AKAP9: variants seen among roughly 807,000 people sequenced by gnomAD.
AKAP9 encodes A-kinase anchoring protein 9.
In AKAP9, 311 loss-of-function variants were observed where a neutral mutation model predicts 488.5. The observed-to-expected ratio is 0.64, with a 90% CI of 0.58 to 0.70. The LOEUF (loss-of-function observed/expected upper bound fraction) is 0.70. Ranked by LOEUF, AKAP9 falls within the 30% of genes least tolerant of loss-of-function variation. The probability of loss-of-function intolerance (pLI) is 0.00; values close to 1 mark genes in which losing one functional copy is unlikely to be tolerated. For missense variants in AKAP9, 4,215 were observed against 4,374.5 expected (o/e 0.96, Z 1.03); for synonymous variants, 1,462 against 1,483.5 (o/e 0.99, Z 0.33).
At chr7:92,015,169 G>C (rs1801333092) in intron 10 of AKAP9, among the ~76,000 whole-genome samples, 1 of 152,092 alleles carries the variant, frequency 6.6e-6, no homozygotes, top group South Asian at 2.1e-4. Flanking sequence ...AGAAGTTGGT[G>C]GTGGTAATTT....
rs552390912 is a variant in AKAP9, at chr7:91,998,075, T to G, written c.930+2275T>G. The stretch of plus-strand genomic sequence containing the variant: ...ATGGTTTTGGGATGACATCAGGCAT[T>G]AGTTAGATTCACATAAGGAGCTTGC... On this transcript the variant is annotated intron_variant, in intron 7 of 49. Transcript: ENST00000356239. 1.7e-3 allele frequency among the ~76,000 whole-genome samples: 265 copies of G among 152,210 alleles called. 2 individuals carry two copies. The Middle Eastern group carries it at 0.02, about 12-fold the overall frequency.
At chr7:92,014,375 CTT>C in intron 10 of AKAP9, 47 bp downstream of exon 10, 2 of 1,354,034 alleles carry the variant, frequency 1.5e-6, no homozygotes, top group Non-Finnish European at 2.1e-6. Flanking sequence ...GTGGCTGACA[CTT>C]ATAATCCCAG....
intron 3 of AKAP9, among the ~76,000 whole-genome samples, chr7:91,986,386 C>T (rs1037514929): frequency 1.3e-5 from 2 of 152,154 alleles, no homozygotes; most frequent in South Asian, 2.1e-4. Flanking sequence ...CTTCGGCTCA[C>T]CCTCCATGGG....
chr7:92,098,207 G>C lies in AKAP9; in HGVS notation c.10706G>C (p.Gly3569Ala), dbSNP rs754569380. The C allele has an allele frequency of 1.4e-5, 23 of 1,592,900 alleles. No homozygotes were observed. Among genetic ancestry groups the C allele is most frequent in the Non-Finnish European group, 1.9e-5 (22 of 1,161,208 alleles). ...LQLQKLTGQQ[G>A]EEPSLVSPST... is the part of the protein sequence containing the mutation. ...CTACAGAAATTAACTGGCCAGCAAG[G>C]TGAAGAGGTAATACTTTTTAAAAGT... Residue 3569 changes from glycine (G) to alanine (A), a missense_variant, in exon 43 of 50, where the codon GGT becomes GCT. Gly to Ala is a moderately conservative substitution (Grantham distance 60, BLOSUM62 0). Around this residue, in one of 5 missense-constraint regions of AKAP9, gnomAD observed 1,476 missense variants for 1,477.4 expected, o/e 1.00. Transcript: ENST00000356239.
chr7:92,052,820 G>C lies in AKAP9; in HGVS notation c.5463G>C (p.Leu1821=). Residue 1821 remains leucine, a synonymous_variant, in exon 22 of 50, where the codon CTG becomes CTC. Coordinates refer to ENST00000356239, the MANE Select transcript of AKAP9 (RefSeq NM_005751.5). The stretch of plus-strand genomic sequence containing the variant: ...AAGTAACTGAGGAAGGAACAGAGCT[G>C]TCACAACGACTTGTGAGGAGTGGTT... ...WSKVTEEGTE[L]SQRLVRSGFA... The C allele has an allele frequency of 6.2e-7, 1 of 1,613,772 alleles. No individual in the cohort carries two copies. The highest frequency in any genetic ancestry group is 8.5e-7 in the Non-Finnish European group (1 of 1,179,808).
Position 92,022,895 on chromosome 7 carries a change from G to GC in AKAP9, c.4036dup (p.Leu1346ProfsTer13), listed in dbSNP as rs1387007261. 1 of 1,612,546 alleles carries GC rather than the reference G, an allele frequency of 6.2e-7. No individual in the cohort carries two copies. The highest frequency in any genetic ancestry group is 8.5e-7 in the Non-Finnish European group (1 of 1,178,734). On this transcript the variant is annotated frameshift_variant, in exon 14 of 50. Coordinates refer to ENST00000356239, the MANE Select transcript of AKAP9 (RefSeq NM_005751.5). LOFTEE classifies it high-confidence loss of function. ...GAAGAACAAGTTCAAGAATTAGAAA[G>GC]CCTCATATCCTCTTTGCAGCAACAG... is the stretch of plus-strand genomic sequence containing the variant.
Position 92,061,188 on chromosome 7 carries a change from G to A in AKAP9, c.5602-72G>A, listed in dbSNP as rs1020570036. 33 of 1,554,678 alleles carry A rather than the reference G, an allele frequency of 2.1e-5. No individual in the cohort carries two copies. The South Asian group carries it at 3.6e-4, about 17-fold the overall frequency. Reference sequence around the variant, plus strand: ...TATTTTAAAATCCTCCTTTTTTCCAGCTTTAATAGGGAATGAAACTAGTAT... The same window carrying A: ...TATTTTAAAATCCTCCTTTTTTCCAACTTTAATAGGGAATGAAACTAGTAT... On this transcript the variant is annotated intron_variant, in intron 22 of 49. Coordinates refer to ENST00000356239, the MANE Select transcript of AKAP9 (RefSeq NM_005751.5).
At chr7:92,102,967 T>C in intron 46 of AKAP9, 141 bp downstream of exon 46, 1 of 776,874 alleles carries the variant, frequency 1.3e-6, no homozygotes, top group Non-Finnish European at 2.1e-6. Flanking sequence ...GCATGTCTGC[T>C]TTTTTTTTCT....
intron 16 of AKAP9, 86 bp downstream of exon 16, chr7:92,031,690 G>A (rs1417093077): frequency 1.9e-6 from 2 of 1,070,658 alleles, no homozygotes; most frequent in Non-Finnish European, 2.9e-6. Context: ...TCGATGGTAT[G>A]TACTTTATAA....
chr7:92,056,978 AT>A (rs1414287474), intron 22 of AKAP9, among the ~76,000 whole-genome samples: 18 of 151,992 alleles, frequency 1.2e-4, no homozygotes, highest in Non-Finnish European at 2.4e-4. Context: ...ATCTTCTAAA[AT>A]TCTGAGTGGC....
chr7:92,007,466 G>A (rs1243043441), intron 8 of AKAP9, among the ~76,000 whole-genome samples: 14 of 151,470 alleles, frequency 9.2e-5, no homozygotes, highest in Non-Finnish European at 2.1e-4. Flanking sequence ...TGGCCAGGCT[G>A]GTCTTGAACT....
intron 46 of AKAP9, among the ~76,000 whole-genome samples, chr7:92,104,376 A>AGAGACTGGGTTTCACTGTGTT (rs1818177891): frequency 6.6e-6 from 1 of 151,932 alleles, no homozygotes; most frequent in Non-Finnish European, 1.5e-5. Context: ...TATTTTTAGT[A>AGAGACTGGGTTTCACTGTGTT]GAGACTGGGT....
At chr7:92,034,484 A>C (rs57817572) in intron 16 of AKAP9, among the ~76,000 whole-genome samples, 4,132 of 93,516 alleles carry the variant, frequency 0.044, 201 homozygotes, top group African/African-American at 0.16. Context: ...ATATATCTAT[A>C]TATATATATA....
Position 92,079,114 on chromosome 7 carries a change from T to G in AKAP9, c.6981T>G (p.Leu2327=). The change falls in exon 31 of 50, where the codon CTT becomes CTG. Residue 2327 remains leucine, a synonymous_variant. Transcript: ENST00000356239. The part of the protein sequence containing the change: ...IEEKNELIRD[L]ETQIECLMSD... ...AAAAAAATGAACTGATAAGGGATCTTGAAACCCAAATAGAATGTTTGATGA... is the reference window on the plus strand; with the variant it reads ...AAAAAAATGAACTGATAAGGGATCTGGAAACCCAAATAGAATGTTTGATGA... 1 of 1,612,476 alleles carries G rather than the reference T, an allele frequency of 6.2e-7. No individual in the cohort carries two copies. Among genetic ancestry groups the G allele is most frequent in the Admixed American group, 1.7e-5 (1 of 59,898 alleles).
At chr7:92,024,329 T>A (rs1802767785) in intron 14 of AKAP9, among the ~76,000 whole-genome samples, 1 of 151,410 alleles carries the variant, frequency 6.6e-6, no homozygotes, top group Admixed American at 6.6e-5. Context: ...CGAGAATCAC[T>A]TGAACATAGG....
Position 91,965,272 on chromosome 7 carries a change from G to A in AKAP9, c.49-8439G>A, listed in dbSNP as rs550033370. On this transcript the variant is annotated intron_variant, in intron 1 of 49. Coordinates refer to ENST00000356239, the MANE Select transcript of AKAP9 (RefSeq NM_005751.5). ...CTACTTTTTCAGCTCCCATATATGA[G>A]TGAGAACGTCTGATATTTGTCTTTC... is the stretch of plus-strand genomic sequence containing the variant. 2.0e-5 allele frequency among the ~76,000 whole-genome samples: 3 copies of A among 152,262 alleles called. No homozygotes were observed. The South Asian group carries it at 6.2e-4, about 32-fold the overall frequency.
chr7:92,094,520 G>A (rs1280584170), intron 39 of AKAP9, among the ~76,000 whole-genome samples: 1 of 148,086 alleles, frequency 6.8e-6, no homozygotes, highest in East Asian at 2.1e-4. Flanking sequence ...GTGACAAGAG[G>A]GAAACTCCGT....
chr7:92,008,448 T>C (rs1444406551), intron 8 of AKAP9, among the ~76,000 whole-genome samples: 1 of 147,108 alleles, frequency 6.8e-6, no homozygotes, highest in Non-Finnish European at 1.5e-5. Flanking sequence ...AGCACTTTGG[T>C]AGGCCGAGGT....
In AKAP9 at chr7:92,042,720, A is replaced by T; in HGVS notation, c.5111A>T (p.Glu1704Val). The T allele has an allele frequency of 6.2e-7, 1 of 1,612,134 alleles. No homozygotes were observed. The highest frequency in any genetic ancestry group is 8.5e-7 in the Non-Finnish European group (1 of 1,178,712). ...GAAGAACAAACATTTAAAGAAAAGG[A>T]ATTAGACAGAAAACCTGAAGATGTG... ...EVEEQTFKEK[E>V]LDRKPEDVPP... The change falls in exon 20 of 50, where the codon GAA becomes GTA. Residue 1704 changes from glutamate (E) to valine (V), a missense_variant. Glu to Val is a moderately radical substitution (Grantham distance 121, BLOSUM62 -2). Transcript: ENST00000356239.
Sources: allele counts gnomAD v4.1 joint callset (sites outside exome capture counted in the v4.1 genomes callset), GRCh38; gene constraint gnomAD v4.1.1; regional missense constraint gnomAD v4.1.1; transcripts MANE v1.5; gene names NCBI Gene and HGNC (gene_info 2026-07-23, HGNC 2026-07-21).